The following C1orf21 variants were observed in gnomAD, a reference collection of about 807,000 sequenced individuals.
C1orf21 encodes the protein uncharacterized protein C1orf21.
Under a neutral mutation model 18.7 loss-of-function variants are expected in C1orf21, and 3 were observed. That is an observed-to-expected ratio of 0.16 (90% CI 0.07 to 0.42). The LOEUF is 0.42. Ranked by LOEUF, C1orf21 falls within the 10% of genes least tolerant of loss-of-function variation. The pLI, the probability that C1orf21 is intolerant of heterozygous loss-of-function variation, is 0.99. For missense variants in C1orf21, 104 were observed against 143.6 expected (o/e 0.72, Z 1.41); for synonymous variants, 41 against 46.4 (o/e 0.88, Z 0.47).
rs1048188553 is a variant in C1orf21, at chr1:184,387,858, G to C, written c.-125+490G>C. ...CCAAGTCCCTTCTCTCGCTCCGACT[G>C]ATTGATGTGTTTGTGTGGGTGGTTT... On this transcript the variant is annotated intron_variant, in intron 1 of 5. Transcript: ENST00000235307. This position sits in a 1 kb window ranked among gnomAD's most constrained non-coding sequence, Gnocchi z 5.6. Among the ~76,000 whole-genome samples the C allele has an allele frequency of 2.3e-4, 35 of 152,356 alleles. No homozygotes were observed. Among genetic ancestry groups the C allele is most frequent in the African/African-American group, 8.4e-4 (35 of 41,582 alleles).
intron 5 of C1orf21, among the ~76,000 whole-genome samples, chr1:184,603,626 C>T (rs987064191): frequency 6.6e-6 from 1 of 152,112 alleles, no homozygotes; most frequent in East Asian, 1.9e-4. Flanking sequence ...GAAACCCTGT[C>T]TATACTAAAA....
chr1:184,554,103 A>G (rs1348850185), intron 3 of C1orf21, among the ~76,000 whole-genome samples: 1 of 152,194 alleles, frequency 6.6e-6, no homozygotes, highest in East Asian at 1.9e-4. Context: ...TTGTAATTTT[A>G]TGCAGCAGGT....
At chr1:184,443,326 A>G (rs1400644345) in intron 1 of C1orf21, among the ~76,000 whole-genome samples, 1 of 152,212 alleles carries the variant, frequency 6.6e-6, no homozygotes, top group East Asian at 1.9e-4. Context: ...AACTGGGCAT[A>G]CAATCGCTAT....
chr1:184,443,894 GC>G (rs1376423580), intron 1 of C1orf21, among the ~76,000 whole-genome samples: 1 of 152,128 alleles, frequency 6.6e-6, no homozygotes, highest in Admixed American at 6.5e-5. Context: ...AGGTAAGAAG[GC>G]CCAATCCCAT....
At chr1:184,442,277 G>A (rs1312316676) in intron 1 of C1orf21, among the ~76,000 whole-genome samples, 1 of 152,154 alleles carries the variant, frequency 6.6e-6, no homozygotes, top group Non-Finnish European at 1.5e-5. Flanking sequence ...GGTTGGGAAG[G>A]ATCAGACAGA....
intron 3 of C1orf21, among the ~76,000 whole-genome samples, chr1:184,555,501 G>A (rs2101983495): frequency 6.6e-6 from 1 of 152,146 alleles, no homozygotes; most frequent in East Asian, 1.9e-4. Flanking sequence ...AAACTGTGCT[G>A]TGATGTGGGA....
intron 3 of C1orf21, chr1:184,567,218 T>A (rs931651799): frequency 4.3e-6 from 2 of 466,510 alleles, no homozygotes; most frequent in Non-Finnish European, 8.7e-6. Context: ...TGTCATCACA[T>A]TCCATCCCCA....
intron 3 of C1orf21, among the ~76,000 whole-genome samples, chr1:184,516,824 C>T (rs1365033239): frequency 6.6e-6 from 1 of 152,154 alleles, no homozygotes; most frequent in Non-Finnish European, 1.5e-5. Context: ...CAGAGCCAAA[C>T]CATATTAACA....
In C1orf21 at chr1:184,489,912, G is replaced by T. The variant is rs530357315; in HGVS notation, c.94+12309G>T. Among the ~76,000 whole-genome samples, 129 of 152,286 alleles carry T rather than the reference G, an allele frequency of 8.5e-4. 1 individual carries two copies. In the South Asian group the frequency reaches 0.026, roughly 31 times the overall value. ...ATTTCTTCTTTGTATTTTTCTGTGT[G>T]TCTTGAATCTTTTATGTTTAACATT... is the stretch of plus-strand genomic sequence containing the variant. On this transcript the variant is annotated intron_variant, in intron 2 of 5. Transcript: ENST00000235307.
rs367928340 is a variant in C1orf21 at position 184,453,900 on chromosome 1, A to G, written c.-124-23486A>G. On this transcript the variant is annotated intron_variant, in intron 1 of 5. Transcript: ENST00000235307. ...AACTCTGAAAGAGAAGAGAGATTAT[A>G]TTTACTCTTTCTTTCCAGCTGTTGG... 8.5e-5 allele frequency among the ~76,000 whole-genome samples: 13 copies of G among 152,328 alleles called. No individual in the cohort carries two copies. In the East Asian group the frequency reaches 2.5e-3, roughly 29 times the overall value.
chr1:184,483,235 G>A (rs1657682867), intron 2 of C1orf21, among the ~76,000 whole-genome samples: 1 of 152,190 alleles, frequency 6.6e-6, no homozygotes, highest in African/African-American at 2.4e-5. Context: ...GGACAGCTGA[G>A]CAGATTGCCA....
intron 1 of C1orf21, among the ~76,000 whole-genome samples, chr1:184,398,092 C>G (rs751398239): frequency 6.6e-6 from 1 of 152,118 alleles, no homozygotes; most frequent in South Asian, 2.1e-4. Flanking sequence ...ATGGATTCAG[C>G]GGATTCTATC....
intron 3 of C1orf21, among the ~76,000 whole-genome samples, chr1:184,508,780 G>T (rs1658103244): frequency 6.6e-6 from 1 of 152,026 alleles, no homozygotes; most frequent in South Asian, 2.1e-4. Flanking sequence ...AATGGGATTT[G>T]GATTTTAAAG....
chr1:184,554,820 T>C (rs1008102574), intron 3 of C1orf21, among the ~76,000 whole-genome samples: 1 of 152,258 alleles, frequency 6.6e-6, no homozygotes, highest in Non-Finnish European at 1.5e-5. Context: ...ATAGGGTTCT[T>C]TTAATTTGAT....
At chr1:184,437,923 G>A (rs1166880136) in intron 1 of C1orf21, among the ~76,000 whole-genome samples, 1 of 152,034 alleles carries the variant, frequency 6.6e-6, no homozygotes, top group Non-Finnish European at 1.5e-5. Flanking sequence ...TCCCTCTCAT[G>A]TGCAGTTCAC....
At chr1:184,502,152 C>T (rs1459236730) in intron 2 of C1orf21, among the ~76,000 whole-genome samples, 1 of 96 alleles carries the variant, frequency 0.01, no homozygotes, top group Non-Finnish European at 0.024. Context: ...ATGCCACAGA[C>T]TGGGTATTTT....
chr1:184,466,311 A>G (rs1201007770), intron 1 of C1orf21, among the ~76,000 whole-genome samples: 1 of 152,182 alleles, frequency 6.6e-6, no homozygotes, highest in Non-Finnish European at 1.5e-5. Flanking sequence ...GTACGGTCTA[A>G]AGACTCTTCA....
intron 2 of C1orf21, among the ~76,000 whole-genome samples, chr1:184,485,937 T>A (rs992109665): frequency 1.3e-5 from 2 of 152,190 alleles, no homozygotes; most frequent in African/African-American, 4.8e-5. Context: ...TTGACGGATT[T>A]GTGATAGGCC....
At chr1:184,606,062 C>T (rs1659643821) in intron 5 of C1orf21, among the ~76,000 whole-genome samples, 1 of 152,210 alleles carries the variant, frequency 6.6e-6, no homozygotes. Context: ...CCACCTCCCT[C>T]CTATGTGGTG....
Sources: gnomAD v4.1 joint callset for allele counts (sites outside exome capture counted in the v4.1 genomes callset) on GRCh38, gnomAD v4.1.1 for gene constraint, Gnocchi (gnomAD v3.1) non-coding constraint, MANE v1.5 for transcripts, NCBI Gene and HGNC (gene_info 2026-07-23, HGNC 2026-07-21) for gene names.